Variants in PLCE1 observed in about 807,000 individuals in gnomAD.
PLCE1 encodes 1-phosphatidylinositol 4,5-bisphosphate phosphodiesterase epsilon-1.
A neutral mutation model predicts 242.8 loss-of-function variants in PLCE1; 119 were observed. That is an observed-to-expected ratio of 0.49 (90% CI 0.42 to 0.57). PLCE1 has a LOEUF of 0.57. Ranked by LOEUF, PLCE1 falls within the 20% of genes least tolerant of loss-of-function variation. The probability of loss-of-function intolerance (pLI) is 0.00; values close to 1 mark genes in which losing one functional copy is unlikely to be tolerated. For synonymous variants in PLCE1, 945 were observed against 1,017.4 expected (o/e 0.93, Z 1.35); for missense variants, 2,441 against 2,788.8 (o/e 0.88, Z 2.81).
Position 94,188,659 on chromosome 10 carries a change from G to A in PLCE1, c.1809+17163G>A, listed in dbSNP as rs867823479. Among the ~76,000 whole-genome samples the A allele has an allele frequency of 5.9e-5, 9 of 152,114 alleles. No homozygotes were observed. In the South Asian group the frequency reaches 1.2e-3, roughly 21 times the overall value. On this transcript the variant is annotated intron_variant, in intron 4 of 32. Coordinates refer to ENST00000371380, the MANE Select transcript of PLCE1 (RefSeq NM_016341.4). Reference sequence around the variant, plus strand: ...TCGCTCTTGTTGTCCAGGCTGGAGCGCAATGGCACAATCTTGGCTCACTGC... The same window carrying A: ...TCGCTCTTGTTGTCCAGGCTGGAGCACAATGGCACAATCTTGGCTCACTGC...
intron 2 of PLCE1, among the ~76,000 whole-genome samples, chr10:94,075,258 A>G (rs2044468409): frequency 6.6e-6 from 1 of 152,354 alleles, no homozygotes; most frequent in Admixed American, 6.5e-5. Context: ...GAGCTCCTTG[A>G]GGGCAGCACG....
At chr10:94,043,095 T>C (rs1486920841) in intron 2 of PLCE1, among the ~76,000 whole-genome samples, 1 of 152,174 alleles carries the variant, frequency 6.6e-6, no homozygotes, top group African/African-American at 2.4e-5. Context: ...CTAAGCGTGT[T>C]GTATATTAAA....
At chr10:94,277,308 T>C (rs1185244539) in intron 19 of PLCE1, among the ~76,000 whole-genome samples, 1 of 152,174 alleles carries the variant, frequency 6.6e-6, no homozygotes, top group Non-Finnish European at 1.5e-5. Context: ...AAGACATTGC[T>C]CCTGCTTAGC....
intron 2 of PLCE1, among the ~76,000 whole-genome samples, chr10:94,073,091 C>T (rs2044406089): frequency 6.6e-6 from 1 of 152,130 alleles, no homozygotes; most frequent in Non-Finnish European, 1.5e-5. Context: ...TGTCTTCATC[C>T]TTCCATATCC....
At chr10:94,067,199 G>A (rs2044221869) in intron 2 of PLCE1, among the ~76,000 whole-genome samples, 1 of 152,030 alleles carries the variant, frequency 6.6e-6, no homozygotes, top group Admixed American at 6.6e-5. Context: ...CTAACATACT[G>A]GTTAGTGACC....
chr10:94,114,215 C>A (rs1335853341), intron 2 of PLCE1, among the ~76,000 whole-genome samples: 1 of 152,158 alleles, frequency 6.6e-6, no homozygotes, highest in Admixed American at 6.5e-5. Context: ...AGAAGGTAAA[C>A]CTCTAGAGGG....
intron 7 of PLCE1, among the ~76,000 whole-genome samples, chr10:94,242,639 A>G (rs984198412): frequency 6.6e-6 from 1 of 152,074 alleles, no homozygotes; most frequent in Non-Finnish European, 1.5e-5. Context: ...ACCATTCTTC[A>G]GTAAAGGGAG....
At chr10:94,020,125 A>G (rs891225032) in intron 1 of PLCE1, among the ~76,000 whole-genome samples, 1 of 152,226 alleles carries the variant, frequency 6.6e-6, no homozygotes, top group African/African-American at 2.4e-5. Flanking sequence ...TATTCTGACC[A>G]GCAATGTTGC....
chr10:94,141,124 G>A (rs1269763866), intron 3 of PLCE1, among the ~76,000 whole-genome samples: 1 of 152,230 alleles, frequency 6.6e-6, no homozygotes, highest in African/African-American at 2.4e-5. Context: ...GGTATGAGTA[G>A]GTCATAGGGC....
intron 29 of PLCE1, among the ~76,000 whole-genome samples, chr10:94,320,040 C>A (rs556676041): frequency 2.0e-5 from 3 of 152,038 alleles, no homozygotes; most frequent in African/African-American, 7.2e-5. Context: ...GTTGTTGGGA[C>A]ATTTTATGTG....
chr10:94,209,940 G>A (rs1201072160), intron 4 of PLCE1, among the ~76,000 whole-genome samples: 1 of 152,086 alleles, frequency 6.6e-6, no homozygotes, highest in East Asian at 1.9e-4. Flanking sequence ...CAACTGAAGG[G>A]CATAGAAGAG....
At chr10:94,125,615 A>G (rs903685471) in intron 2 of PLCE1, among the ~76,000 whole-genome samples, 2 of 152,064 alleles carry the variant, frequency 1.3e-5, no homozygotes, top group African/African-American at 4.8e-5. Flanking sequence ...TTGAAATCAC[A>G]TCTCACTACT....
chr10:94,031,914 A>G lies in PLCE1; in HGVS notation c.868A>G (p.Ser290Gly). 1 of 1,613,944 alleles carries G rather than the reference A, an allele frequency of 6.2e-7. No homozygotes were observed. Among genetic ancestry groups the G allele is most frequent in the East Asian group, 2.2e-5 (1 of 44,868 alleles). Residue 290 changes from serine to glycine, a missense_variant, in exon 2 of 33, where the codon AGT (serine) becomes GGT (glycine). Coordinates refer to ENST00000371380, the MANE Select transcript of PLCE1 (RefSeq NM_016341.4). The part of the protein sequence containing the change: ...DSFCRKDFTD[S>G]QAAKTFLSHF... ...CTTTTGTAGGAAAGACTTTACTGAC[A>G]GTCAAGCTGCCAAGACCTTTTTGAG...
chr10:94,316,830 C>A, intron 29 of PLCE1, 74 bp downstream of exon 29: 1 of 1,105,462 alleles, frequency 9.0e-7, no homozygotes. Flanking sequence ...CACAACCTCC[C>A]TGAAATTCAG....
At chr10:94,294,822 G>C (rs1156598423) in intron 23 of PLCE1, among the ~76,000 whole-genome samples, 1 of 151,100 alleles carries the variant, frequency 6.6e-6, no homozygotes, top group African/African-American at 2.4e-5. Context: ...CAACAGTGAA[G>C]TCTGCCACAT....
chr10:94,079,731 T>A (rs1010149666), intron 2 of PLCE1, among the ~76,000 whole-genome samples: 1 of 152,198 alleles, frequency 6.6e-6, no homozygotes. Context: ...GACTTCTGAA[T>A]TTTTTTATGT....
chr10:94,276,173 C>A (rs2051947364), intron 19 of PLCE1, among the ~76,000 whole-genome samples: 1 of 152,182 alleles, frequency 6.6e-6, no homozygotes, highest in Non-Finnish European at 1.5e-5. Context: ...CTTAAATAAG[C>A]CCCCTGGCAT....
At chr10:94,270,289 A>C (rs2051679603) in intron 17 of PLCE1, among the ~76,000 whole-genome samples, 197 bp from the exon 18 acceptor site, 1 of 152,206 alleles carries the variant, frequency 6.6e-6, no homozygotes, top group African/African-American at 2.4e-5. Context: ...TAGTATGTGA[A>C]CAATACTCAC....
intron 19 of PLCE1, among the ~76,000 whole-genome samples, chr10:94,276,574 CTTA>C (rs2133208724): frequency 6.6e-6 from 1 of 152,210 alleles, no homozygotes; most frequent in South Asian, 2.1e-4. Flanking sequence ...AATAATAATT[CTTA>C]TTATCCTGGA....
Sources: allele counts gnomAD v4.1 joint callset (sites outside exome capture counted in the v4.1 genomes callset), GRCh38; gene constraint gnomAD v4.1.1; transcripts MANE v1.5; gene names NCBI Gene and HGNC (gene_info 2026-07-23, HGNC 2026-07-21).